PPFIBP2: variants seen among roughly 807,000 people sequenced by gnomAD.
PPFIBP2 encodes the protein PPFIB scaffold protein 2.
Under a neutral mutation model 118.3 loss-of-function variants are expected in PPFIBP2, and 118 were observed. The ratio of observed to expected loss-of-function variants is 1.00; its 90% confidence interval spans 0.86 to 1.16. PPFIBP2 has a LOEUF of 1.16. Ranked by LOEUF, PPFIBP2 falls within the 50% of genes most tolerant of loss-of-function variation. The pLI, the probability that PPFIBP2 is intolerant of heterozygous loss-of-function variation, is 0.00. For missense variants in PPFIBP2, 1,195 were observed against 1,073.1 expected, an observed-to-expected ratio of 1.11 and a Z score of -1.59; for synonymous variants, 414 against 397.4, an observed-to-expected ratio of 1.04 and a Z score of -0.50.
At chr11:7,628,570 A>T (rs1850327346) in intron 9 of PPFIBP2, among the ~76,000 whole-genome samples, 2 of 152,186 alleles carry the variant, frequency 1.3e-5, no homozygotes, top group Non-Finnish European at 2.9e-5. Context: ...CTAAAGGCAG[A>T]TTATAGCCCT....
chr11:7,548,061 G>T (rs1852525151), intron 1 of PPFIBP2, among the ~76,000 whole-genome samples: 3 of 152,142 alleles, frequency 2.0e-5, no homozygotes, highest in African/African-American at 7.2e-5. Flanking sequence ...AAAGGAATGT[G>T]CTTAGTGCTC....
chr11:7,632,446 T>C (rs1486435586), intron 11 of PPFIBP2: 1 of 165,640 alleles, frequency 6.0e-6, no homozygotes, highest in Non-Finnish European at 1.3e-5. Context: ...CCATATCAAA[T>C]GGGATTTTCT....
chr11:7,663,873 G>T, the PPFIBP2 span, among the ~76,000 whole-genome samples: 1 of 152,160 alleles, frequency 6.6e-6, no homozygotes, highest in Non-Finnish European at 1.5e-5. Flanking sequence ...TAAGCCCGTC[G>T]GAAAAGCGCA....
intron 2 of PPFIBP2, among the ~76,000 whole-genome samples, chr11:7,556,243 C>A (rs1459397769): frequency 6.6e-6 from 1 of 152,102 alleles, no homozygotes; most frequent in Non-Finnish European, 1.5e-5. Flanking sequence ...ATCACGAGGT[C>A]AGGAGATTGA....
At chr11:7,635,960 A>C (rs998388315) in intron 14 of PPFIBP2, among the ~76,000 whole-genome samples, 5 of 152,224 alleles carry the variant, frequency 3.3e-5, no homozygotes, top group Non-Finnish European at 7.3e-5. Context: ...TGGTTAAAAA[A>C]ACACAAGTGT....
intron 3 of PPFIBP2, among the ~76,000 whole-genome samples, chr11:7,572,277 C>A (rs1217353995): frequency 6.6e-6 from 1 of 152,142 alleles, no homozygotes; most frequent in Non-Finnish European, 1.5e-5. Flanking sequence ...GCTTCCTGTC[C>A]CCTGGGGGAT....
chr11:7,624,121 C>T (rs546171924), intron 7 of PPFIBP2, among the ~76,000 whole-genome samples: 1 of 152,156 alleles, frequency 6.6e-6, no homozygotes, highest in African/African-American at 2.4e-5. Flanking sequence ...ATTCAGAAAC[C>T]CTTGCGGTGG....
chr11:7,568,375 C>A (rs186310529), intron 3 of PPFIBP2, among the ~76,000 whole-genome samples: 3 of 152,256 alleles, frequency 2.0e-5, no homozygotes, highest in Admixed American at 2.0e-4. Context: ...TGCAAGATGG[C>A]CACTAGAACT....
intron 17 of PPFIBP2, among the ~76,000 whole-genome samples, 162 bp downstream of exon 17, chr11:7,642,588 A>G (rs1050839499): frequency 2.0e-5 from 3 of 152,132 alleles, no homozygotes; most frequent in Non-Finnish European, 4.4e-5. Flanking sequence ...TTCCAGCACA[A>G]TATCTCCTAA....
intron 2 of PPFIBP2, among the ~76,000 whole-genome samples, chr11:7,554,653 G>T (rs1227012687): frequency 1.3e-5 from 2 of 152,096 alleles, no homozygotes; most frequent in Admixed American, 6.5e-5. Context: ...GTCTCAGGTG[G>T]TCAATGTTGG....
intron 5 of PPFIBP2, among the ~76,000 whole-genome samples, chr11:7,603,450 G>T (rs1309651300): frequency 6.6e-6 from 1 of 152,160 alleles, no homozygotes; most frequent in Non-Finnish European, 1.5e-5. Context: ...CAAGACCTGG[G>T]CCTTTTACTT....
chr11:7,632,392 C>T (rs920879627), intron 11 of PPFIBP2: 3 of 161,460 alleles, frequency 1.9e-5, no homozygotes, highest in African/African-American at 7.2e-5. Flanking sequence ...AGACCTGGCA[C>T]AGGGCCTGGC....
the PPFIBP2 span, chr11:7,665,098 G>A: frequency 1.9e-5 from 5 of 270,168 alleles, no homozygotes; most frequent in East Asian, 1.6e-4. Context: ...CACTTCATGG[G>A]CTGTCTGCTT....
At chr11:7,552,821 G>A (rs1853143944) in intron 2 of PPFIBP2, among the ~76,000 whole-genome samples, 1 of 152,058 alleles carries the variant, frequency 6.6e-6, no homozygotes, top group Non-Finnish European at 1.5e-5. Context: ...CGTACCGGAA[G>A]GCCTTCCCTG....
At chr11:7,526,640 G>T (rs907343495) in intron 1 of PPFIBP2, among the ~76,000 whole-genome samples, 6 of 152,222 alleles carry the variant, frequency 3.9e-5, no homozygotes, top group African/African-American at 1.4e-4. Flanking sequence ...GGGAGGCCGA[G>T]GGTGGGCAGA....
At chr11:7,522,590 G>A (rs1000699073) in intron 1 of PPFIBP2, among the ~76,000 whole-genome samples, 1 of 152,190 alleles carries the variant, frequency 6.6e-6, no homozygotes, top group Non-Finnish European at 1.5e-5. Context: ...AGAAGGTCGA[G>A]ATGGAGATTC....
At position 7,552,869 on chromosome 11, in the gene PPFIBP2, T is replaced by C. The variant is rs375368508; in HGVS notation, c.64+3330T>C. 1.1e-4 allele frequency among the ~76,000 whole-genome samples: 17 copies of C among 152,320 alleles called. No homozygotes were observed. In the South Asian group the frequency reaches 3.3e-3, roughly 30 times the overall value. ...ATGCATTCCCACATAACTCTGTTCT[T>C]GTATCTTGTTTATACTTCTTTATAG... On this transcript the variant is annotated intron_variant, in intron 2 of 23. Coordinates refer to ENST00000299492, the MANE Select transcript of PPFIBP2 (RefSeq NM_003621.5).
rs745413795 is a variant in PPFIBP2 at position 7,641,637 on chromosome 11, G to A, written c.1517+17G>A. The A allele has an allele frequency of 6.2e-7, 1 of 1,612,582 alleles. No individual in the cohort carries two copies. Among genetic ancestry groups the A allele is most frequent in the South Asian group, 1.1e-5 (1 of 90,960 alleles). ...CTGGGGAAAGTAAGTTGGTGCCGTT[G>A]ATCCTAATTATATTGCTTAGAATTT... On this transcript the variant is annotated intron_variant, in intron 16 of 23. Transcript: ENST00000299492.
At chr11:7,590,560 A>G (rs1476474408) in intron 3 of PPFIBP2, among the ~76,000 whole-genome samples, 1 of 152,220 alleles carries the variant, frequency 6.6e-6, no homozygotes, top group African/African-American at 2.4e-5. Context: ...CCACTGTTCT[A>G]GGTCCTCTAA....
Sources: gnomAD v4.1 joint callset for allele counts (sites outside exome capture counted in the v4.1 genomes callset) on GRCh38, gnomAD v4.1.1 for gene constraint, MANE v1.5 for transcripts, NCBI Gene and HGNC (gene_info 2026-07-23, HGNC 2026-07-21) for gene names.